The following PAK1 variants were observed in gnomAD, a reference collection of about 807,000 sequenced individuals.
The protein encoded by PAK1 is p21 (RAC1) activated kinase 1, also known as serine/threonine-protein kinase PAK 1.
PAK1 carries 29 observed loss-of-function variants against 67.4 expected under a neutral mutation model. The ratio of observed to expected loss-of-function variants is 0.43; its 90% confidence interval spans 0.32 to 0.59. The LOEUF (loss-of-function observed/expected upper bound fraction) is 0.59. PAK1 is among the 20% of genes least tolerant of loss of function. PAK1 has a pLI of 0.07. For synonymous variants in PAK1, 223 were observed against 237.4 expected (o/e 0.94, Z 0.56); for missense variants, 337 against 670.7 (o/e 0.50, Z 5.50).
intron 9 of PAK1, among the ~76,000 whole-genome samples, chr11:77,345,109 G>T (rs976671083): frequency 6.6e-6 from 1 of 152,086 alleles, no homozygotes; most frequent in Non-Finnish European, 1.5e-5. Flanking sequence ...AGCCCTATAA[G>T]ATCATATTTA....
the PAK1 span, among the ~76,000 whole-genome samples, chr11:77,480,284 CT>C: frequency 8.6e-5 from 13 of 151,402 alleles, no homozygotes; most frequent in Non-Finnish European, 1.5e-4. Context: ...AGAGGCTTTT[CT>C]TTTTTTTTTA....
At chr11:77,485,284 AT>A in the PAK1 span, among the ~76,000 whole-genome samples, 2 of 152,172 alleles carry the variant, frequency 1.3e-5, no homozygotes, top group African/African-American at 4.8e-5. Context: ...GCCAATAATA[AT>A]TTAATTGTAC....
chr11:77,398,417 T>G (rs1253897251), intron 1 of PAK1, among the ~76,000 whole-genome samples: 1 of 152,226 alleles, frequency 6.6e-6, no homozygotes, highest in African/African-American at 2.4e-5. Context: ...TCCAGTTCCA[T>G]CCACGTTGTT....
rs746188820 is a variant in PAK1 at position 77,323,380 on chromosome 11, C to G, written c.1552-20G>C. On this transcript the variant is annotated intron_variant, in intron 14 of 14. Transcript: ENST00000356341. ...TTGATGCTAGAAAGGAGAAAAATAGCAAAAGACACATGACTATTTAACATT... is the reference window on the plus strand; with the variant it reads ...TTGATGCTAGAAAGGAGAAAAATAGGAAAAGACACATGACTATTTAACATT... The G allele has an allele frequency of 1.4e-5, 20 of 1,431,098 alleles. No individual in the cohort carries two copies. The highest frequency in any genetic ancestry group is 1.3e-4 in the Admixed American group (8 of 59,722). 88.6% of individuals were successfully genotyped at this position (1,431,098 alleles called of 1,614,324 possible).
At chr11:77,480,002 T>G in the PAK1 span, among the ~76,000 whole-genome samples, 11 of 152,130 alleles carry the variant, frequency 7.2e-5, no homozygotes, top group Non-Finnish European at 1.3e-4. Context: ...GAAAGAGAAG[T>G]AAGTTTTTTA....
the PAK1 span, among the ~76,000 whole-genome samples, chr11:77,509,077 T>G: frequency 6.7e-6 from 1 of 150,038 alleles, no homozygotes; most frequent in Middle Eastern, 3.5e-3. Flanking sequence ...GAGACCACGG[T>G]GAAACCCCGT....
At chr11:77,508,782 C>T in the PAK1 span, among the ~76,000 whole-genome samples, 1 of 150,944 alleles carries the variant, frequency 6.6e-6, no homozygotes, top group Non-Finnish European at 1.5e-5. Context: ...GCCTCAGCCT[C>T]CTGAGTAGCT....
intron 1 of PAK1, among the ~76,000 whole-genome samples, chr11:77,420,671 C>A (rs1955211178): frequency 6.6e-6 from 1 of 152,192 alleles, no homozygotes; most frequent in Non-Finnish European, 1.5e-5. Flanking sequence ...ACTGTTATCA[C>A]CTTGGTCCAA....
chr11:77,385,812 C>T (rs1294205872), intron 2 of PAK1, among the ~76,000 whole-genome samples: 4 of 151,908 alleles, frequency 2.6e-5, no homozygotes, highest in Non-Finnish European at 4.4e-5. Flanking sequence ...GAGCTGAGAT[C>T]GCGCCACTGC....
chr11:77,460,323 C>T (rs865892917), intron 1 of PAK1, among the ~76,000 whole-genome samples: 3,241 of 131,476 alleles, frequency 0.025, 53 homozygotes, highest in Middle Eastern at 0.048. Context: ...TTTTTGTTTG[C>T]TTTTTTTTTT....
At chr11:77,464,278 C>A (rs1057371480) in intron 1 of PAK1, among the ~76,000 whole-genome samples, 3 of 152,194 alleles carry the variant, frequency 2.0e-5, no homozygotes, top group Non-Finnish European at 2.9e-5. Flanking sequence ...CAGTGTTCTG[C>A]ATGACTAAAA....
At chr11:77,340,124 G>A (rs1000896851) in intron 11 of PAK1, among the ~76,000 whole-genome samples, 3 of 152,052 alleles carry the variant, frequency 2.0e-5, no homozygotes, top group Non-Finnish European at 4.4e-5. Context: ...TTTCCTGGAA[G>A]TATTTTACCC....
chr11:77,444,172 A>G (rs924552654), intron 1 of PAK1, among the ~76,000 whole-genome samples: 1 of 152,074 alleles, frequency 6.6e-6, no homozygotes, highest in Non-Finnish European at 1.5e-5. Context: ...ATGTACTTGA[A>G]ACTGGAAAGT....
the PAK1 span, among the ~76,000 whole-genome samples, chr11:77,525,651 G>C: frequency 6.6e-6 from 1 of 152,216 alleles, no homozygotes; most frequent in East Asian, 1.9e-4. Flanking sequence ...ATAGTGAGAT[G>C]ATGGGAGGGC....
chr11:77,450,624 GATATT>G (rs1956812901), intron 1 of PAK1, among the ~76,000 whole-genome samples: 1 of 152,234 alleles, frequency 6.6e-6, no homozygotes, highest in African/African-American at 2.4e-5. Context: ...ACTTTAGATA[GATATT>G]ATTTCAAAAA....
chr11:77,344,150 C>T (rs143299370), intron 9 of PAK1, among the ~76,000 whole-genome samples: 57 of 152,280 alleles, frequency 3.7e-4, no homozygotes, highest in Admixed American at 7.2e-4. Context: ...ATAAAAACCT[C>T]GGGTCCCACC....
At chr11:77,332,934 G>A in intron 13 of PAK1, 67 bp from the exon 14 acceptor site, 1 of 1,467,436 alleles carries the variant, frequency 6.8e-7, no homozygotes, top group South Asian at 1.2e-5. Context: ...CCATATACAA[G>A]TTCTAGAAAT....
intron 1 of PAK1, among the ~76,000 whole-genome samples, chr11:77,439,593 T>C (rs1429976499): frequency 1.3e-5 from 2 of 152,166 alleles, no homozygotes; most frequent in Non-Finnish European, 2.9e-5. Context: ...AGAATAACCC[T>C]TAGCAGACTT....
chr11:77,377,990 A>G (rs750525082), intron 4 of PAK1, among the ~76,000 whole-genome samples: 2 of 152,210 alleles, frequency 1.3e-5, no homozygotes, highest in Admixed American at 6.5e-5. Context: ...CCACCATAGC[A>G]GCATGAGTGA....
Sources: allele counts gnomAD v4.1 joint callset (sites outside exome capture counted in the v4.1 genomes callset), GRCh38; gene constraint gnomAD v4.1.1; transcripts MANE v1.5; gene names NCBI Gene and HGNC (gene_info 2026-07-23, HGNC 2026-07-21).